The following NRG1 variants were observed in gnomAD, a reference collection of about 807,000 sequenced individuals.
NRG1 encodes neuregulin 1, also known as pro-neuregulin-1, membrane-bound isoform.
NRG1 carries 18 observed loss-of-function variants against 63.8 expected under a neutral mutation model. That is an observed-to-expected ratio of 0.28 (90% confidence interval 0.19 to 0.42). NRG1 has a LOEUF of 0.42. Among genes scored for constraint, NRG1 ranks in the 10% least tolerant of loss-of-function variants. The pLI is 1.00. For missense variants in NRG1, 762 were observed against 814.7 expected, an observed-to-expected ratio of 0.94 and a Z score of 0.79; for synonymous variants, 302 against 301.3, an observed-to-expected ratio of 1.00 and a Z score of -0.02.
intron 1 of NRG1, among the ~76,000 whole-genome samples, chr8:32,514,853 A>T (rs1829633951): frequency 7.0e-6 from 1 of 142,728 alleles, no homozygotes. Flanking sequence ...TTTTAGATTC[A>T]GGGGGTACAT....
At chr8:32,408,303 C>A (rs943686926) in intron 1 of NRG1, among the ~76,000 whole-genome samples, 4 of 152,100 alleles carry the variant, frequency 2.6e-5, no homozygotes, top group African/African-American at 9.7e-5. Flanking sequence ...CCCTCTTTGC[C>A]CTGTTCCCTC....
At position 31,657,581 on chromosome 8, in the gene NRG1, A is replaced by C. The variant is rs1440204101; in HGVS notation, c.37+18150A>C. On this transcript the variant is annotated intron_variant, in intron 1 of 10. Transcript: ENST00000519301. ...GCTCTCCAGGTGATTTTTAGTGTGCACTTAAGTCTGGGAGCTCTTGGAATT... is the reference window on the plus strand; with the variant it reads ...GCTCTCCAGGTGATTTTTAGTGTGCCCTTAAGTCTGGGAGCTCTTGGAATT... Among the ~76,000 whole-genome samples the C allele has an allele frequency of 5.2e-4, 79 of 152,320 alleles. 1 individual carries two copies. The highest frequency in any genetic ancestry group is 7.3e-5 in the Non-Finnish European group (5 of 68,038).
intron 1 of NRG1, among the ~76,000 whole-genome samples, chr8:31,927,759 T>G (rs1039952367): frequency 1.1e-4 from 17 of 151,568 alleles, no homozygotes; most frequent in Non-Finnish European, 1.8e-4. Flanking sequence ...ACTTTTTTTT[T>G]TAAAGATCTG....
chr8:31,780,415 C>T (rs192549569), intron 1 of NRG1, among the ~76,000 whole-genome samples: 67 of 152,204 alleles, frequency 4.4e-4, no homozygotes, highest in African/African-American at 1.5e-3. Context: ...CTCTGTGTTT[C>T]CTATCACCTG....
intron 1 of NRG1, among the ~76,000 whole-genome samples, chr8:32,155,228 T>TA (rs1837923904): frequency 6.6e-6 from 1 of 152,182 alleles, no homozygotes; most frequent in Non-Finnish European, 1.5e-5. Context: ...AATCTGTTAC[T>TA]AACTACCCAT....
chr8:31,815,413 C>T (rs1823341519), intron 1 of NRG1, among the ~76,000 whole-genome samples: 1 of 152,128 alleles, frequency 6.6e-6, no homozygotes, highest in Admixed American at 6.5e-5. Flanking sequence ...CATGTTATAG[C>T]ATATTTCAGG....
chr8:31,652,090 C>T (rs964444763), intron 1 of NRG1, among the ~76,000 whole-genome samples: 7 of 152,142 alleles, frequency 4.6e-5, no homozygotes, highest in Non-Finnish European at 7.3e-5. Context: ...CTTCCTTGGT[C>T]GACACTTATT....
chr8:32,507,454 C>T (rs11777461), intron 1 of NRG1, among the ~76,000 whole-genome samples: 16,478 of 152,174 alleles, frequency 0.11, 1,022 homozygotes, highest in Admixed American at 0.17. Context: ...CAGAGACTTA[C>T]AGAGGCATTT....
intron 5 of NRG1, among the ~76,000 whole-genome samples, chr8:32,687,796 C>T (rs1480210199): frequency 1.3e-5 from 2 of 152,164 alleles, no homozygotes; most frequent in South Asian, 2.1e-4. Context: ...GCTCTTTATC[C>T]ACGTGCTGAA....
At chr8:31,899,028 T>C (rs992133804) in intron 1 of NRG1, among the ~76,000 whole-genome samples, 2 of 152,180 alleles carry the variant, frequency 1.3e-5, no homozygotes, top group African/African-American at 4.8e-5. Context: ...CTGAATCAAA[T>C]ACAATTTATT....
intron 1 of NRG1, among the ~76,000 whole-genome samples, chr8:32,016,361 C>G (rs1039347833): frequency 6.6e-6 from 1 of 151,986 alleles, no homozygotes; most frequent in African/African-American, 2.4e-5. Context: ...CTGTGACTGG[C>G]CTCTGTAACT....
intron 1 of NRG1, among the ~76,000 whole-genome samples, chr8:32,380,765 T>G (rs1035276485): frequency 6.6e-6 from 1 of 152,184 alleles, no homozygotes; most frequent in Admixed American, 6.5e-5. Flanking sequence ...TTAAAACATT[T>G]TTTAAGTTTT....
chr8:32,215,287 G>A (rs551770068), intron 1 of NRG1, among the ~76,000 whole-genome samples: 2 of 152,280 alleles, frequency 1.3e-5, no homozygotes, highest in South Asian at 4.1e-4. Flanking sequence ...CCCAAAAGTT[G>A]AGAAGGCATT....
At chr8:31,831,644 C>G (rs1444365106) in intron 1 of NRG1, among the ~76,000 whole-genome samples, 1 of 152,164 alleles carries the variant, frequency 6.6e-6, no homozygotes, top group East Asian at 1.9e-4. Flanking sequence ...GGTATTCTCT[C>G]TCTATGGAGA....
At chr8:31,708,446 G>GTTT (rs771665636) in intron 1 of NRG1, among the ~76,000 whole-genome samples, 10 of 85,498 alleles carry the variant, frequency 1.2e-4, no homozygotes, top group African/African-American at 1.8e-4. Context: ...AAACATAATT[G>GTTT]TTTTTTTTTT....
At chr8:32,460,411 C>T (rs762946351) in intron 1 of NRG1, among the ~76,000 whole-genome samples, 3 of 152,158 alleles carry the variant, frequency 2.0e-5, no homozygotes, top group Non-Finnish European at 4.4e-5. Flanking sequence ...CCTGTTAAAA[C>T]CATTTTCTGG....
chr8:31,931,568 G>T (rs186543955), intron 1 of NRG1, among the ~76,000 whole-genome samples: 3 of 152,152 alleles, frequency 2.0e-5, no homozygotes, highest in Admixed American at 6.5e-5. Context: ...AAAGTGCTTA[G>T]CATGGTGTCT....
At chr8:32,037,420 C>T (rs1819239157) in intron 1 of NRG1, among the ~76,000 whole-genome samples, 1 of 152,184 alleles carries the variant, frequency 6.6e-6, no homozygotes, top group Non-Finnish European at 1.5e-5. Flanking sequence ...GATCAGGGAC[C>T]CGCTTAAATA....
At chr8:32,094,184 C>T (rs1172529456) in intron 1 of NRG1, among the ~76,000 whole-genome samples, 2 of 152,296 alleles carry the variant, frequency 1.3e-5, no homozygotes, top group East Asian at 3.9e-4. Context: ...AAAAACCCGG[C>T]TTTCATAGAA....
Sources: gnomAD v4.1 joint callset for allele counts (sites outside exome capture counted in the v4.1 genomes callset) on GRCh38, gnomAD v4.1.1 for gene constraint, MANE v1.5 for transcripts, NCBI Gene and HGNC (gene_info 2026-07-23, HGNC 2026-07-21) for gene names.